Variants in GALNT3 observed in about 807,000 individuals in gnomAD.
The protein encoded by GALNT3 is polypeptide N-acetylgalactosaminyltransferase 3.
GALNT3 carries 51 observed loss-of-function variants against 69.8 expected under a neutral mutation model. That is an observed-to-expected ratio of 0.73 (90% CI 0.58 to 0.92). The LOEUF (loss-of-function observed/expected upper bound fraction) is 0.92, where lower values mean the gene tolerates loss of function less well. Ranked by LOEUF, GALNT3 falls within the 40% of genes least tolerant of loss-of-function variation. The pLI, the probability that GALNT3 is intolerant of heterozygous loss-of-function variation, is 0.00. For missense variants in GALNT3, 711 were observed against 760.0 expected, an observed-to-expected ratio of 0.94 and a Z score of 0.76; for synonymous variants, 265 against 248.5, an observed-to-expected ratio of 1.07 and a Z score of -0.63.
intron 5 of GALNT3, 38 bp downstream of exon 5, chr2:165,759,298 A>G: frequency 6.7e-7 from 1 of 1,485,648 alleles, no homozygotes. Flanking sequence ...TGTATGGTAT[A>G]GGGTGTAAAT....
rs1387984229 is a variant in GALNT3 at position 165,749,886 on chromosome 2, T to C, written c.1635A>G (p.Glu545=). The change falls in exon 10 of 11, where the codon GAA becomes GAG. Residue 545 remains glutamate, a synonymous_variant. Coordinates refer to ENST00000392701, the MANE Select transcript of GALNT3 (RefSeq NM_004482.4). The part of the protein sequence containing the change: ...CHGLGGNQYF[E]YSAQHEIRHN... ...GCCGAATTTCATGTTGAGCAGAGTA[T>C]TCAAAGTACTATGGAAGGAATAGCA... The C allele has an allele frequency of 1.2e-6, 2 of 1,613,362 alleles. No individual in the cohort carries two copies. The highest frequency in any genetic ancestry group is 2.7e-5 in the African/African-American group (2 of 74,866).
intron 3 of GALNT3, among the ~76,000 whole-genome samples, chr2:165,763,492 C>T (rs1688587622): frequency 6.6e-6 from 1 of 152,098 alleles, no homozygotes; most frequent in Non-Finnish European, 1.5e-5. Flanking sequence ...TTCTAACTAC[C>T]TCAAAATAAT....
At chr2:165,761,881 C>T (rs777770160) in intron 4 of GALNT3, 24 bp downstream of exon 4, 7 of 1,612,742 alleles carry the variant, frequency 4.3e-6, no homozygotes, top group Admixed American at 1.7e-5. Flanking sequence ...AATGTTACAA[C>T]CATATCCATA....
chr2:165,750,109 G>A lies in GALNT3; in HGVS notation c.1627-215C>T, dbSNP rs6432845. Among the ~76,000 whole-genome samples, 149,222 of 152,240 alleles carry A rather than the reference G, an allele frequency of 0.98. 73,204 individuals are homozygous for A. The highest frequency in any genetic ancestry group is 1 in the Middle Eastern group (294 of 294). ...CAGGTGGTTACTTCATTAACAAGGT[G>A]CTGTCTTCCTCCCCATACCAGAAGT... is the stretch of plus-strand genomic sequence containing the variant. On this transcript the variant is annotated intron_variant, in intron 9 of 10. Transcript: ENST00000392701.
intron 9 of GALNT3, among the ~76,000 whole-genome samples, chr2:165,753,057 C>T (rs1454938024): frequency 1.3e-5 from 2 of 152,160 alleles, no homozygotes; most frequent in Non-Finnish European, 2.9e-5. Context: ...GGCTTCTGGG[C>T]ATCTGTATCA....
chr2:165,763,349 GGTTCA>G (rs1172589629), intron 3 of GALNT3, among the ~76,000 whole-genome samples: 3 of 152,010 alleles, frequency 2.0e-5, no homozygotes, highest in Non-Finnish European at 2.9e-5. Context: ...ATTCTCCAGT[GGTTCA>G]GTTAAGAGAG....
chr2:165,768,407 C>G (rs1688686657), intron 2 of GALNT3, among the ~76,000 whole-genome samples: 1 of 152,166 alleles, frequency 6.6e-6, no homozygotes, highest in African/African-American at 2.4e-5. Flanking sequence ...ACTTTTCAAT[C>G]AAAACCTCTC....
intron 3 of GALNT3, 69 bp downstream of exon 3, chr2:165,764,815 T>A: frequency 6.6e-7 from 1 of 1,509,434 alleles, no homozygotes; most frequent in Non-Finnish European, 9.2e-7. Flanking sequence ...GAGTACCACA[T>A]AACCAAGTAG....
At chr2:165,777,987 T>A (rs116105139) in intron 1 of GALNT3, among the ~76,000 whole-genome samples, 147 of 152,300 alleles carry the variant, frequency 9.7e-4, no homozygotes, top group African/African-American at 3.3e-3. Flanking sequence ...GGGTCAGACA[T>A]CCAACTTCTC....
At chr2:165,768,951 T>C (rs954113310) in intron 2 of GALNT3, among the ~76,000 whole-genome samples, 1 of 151,328 alleles carries the variant, frequency 6.6e-6, no homozygotes, top group Non-Finnish European at 1.5e-5. Flanking sequence ...CACGGCACCC[T>C]GTCCGGCTAA....
chr2:165,780,648 TGTTGTTGTTG>T (rs1459466856), intron 1 of GALNT3, among the ~76,000 whole-genome samples: 19 of 45,022 alleles, frequency 4.2e-4, no homozygotes, highest in African/African-American at 1.2e-3. Context: ...GGGGTTTTTT[TGTTGTTGTTG>T]TTGTTGTTGT....
intron 1 of GALNT3, among the ~76,000 whole-genome samples, chr2:165,785,162 A>G (rs1683193584): frequency 6.6e-6 from 1 of 152,214 alleles, no homozygotes; most frequent in Non-Finnish European, 1.5e-5. Context: ...ACATTAAAGC[A>G]TTGTTCTAAT....
chr2:165,761,715 T>C (rs1287883446), intron 4 of GALNT3, 190 bp downstream of exon 4: 1 of 726,056 alleles, frequency 1.4e-6, no homozygotes, highest in East Asian at 2.7e-5. Flanking sequence ...ATAAGAATTC[T>C]GCATAAGTGA....
chr2:165,750,059 C>T (rs1018828690), intron 9 of GALNT3, among the ~76,000 whole-genome samples, 165 bp from the exon 10 acceptor site: 4 of 152,010 alleles, frequency 2.6e-5, no homozygotes, highest in Non-Finnish European at 4.4e-5. Flanking sequence ...TTGTGATAGA[C>T]GATACAATAG....
chr2:165,755,679 T>A (rs553062886), intron 7 of GALNT3, among the ~76,000 whole-genome samples: 5 of 152,328 alleles, frequency 3.3e-5, no homozygotes, highest in South Asian at 4.1e-4. Context: ...ATAACTTTTT[T>A]AAAAAACCAT....
chr2:165,755,928 G>T (rs1181632639), intron 7 of GALNT3, among the ~76,000 whole-genome samples: 1 of 152,008 alleles, frequency 6.6e-6, no homozygotes, highest in African/African-American at 2.4e-5. Context: ...GTAACCAACA[G>T]GTATTTGCTG....
In GALNT3 at chr2:165,791,577, GA is replaced by G. The variant is rs200020672; in HGVS notation, c.-109+2437del. 6.9e-3 allele frequency among the ~76,000 whole-genome samples: 1,042 copies of G among 151,806 alleles called. 9 individuals are homozygous for G. The highest frequency in any genetic ancestry group is 0.022 in the African/African-American group (905 of 41,440). ...TAGTTATTGAGGATTGCAGTAAAAGGAAAAAAAAGTTTAAAGAAACTTAGTG... is the reference window on the plus strand; with the variant it reads ...TAGTTATTGAGGATTGCAGTAAAAGGAAAAAAAGTTTAAAGAAACTTAGTG... On this transcript the variant is annotated intron_variant, in intron 1 of 10. Transcript: ENST00000392701.
intron 1 of GALNT3, among the ~76,000 whole-genome samples, chr2:165,774,489 G>A (rs915181305): frequency 1.2e-4 from 19 of 152,114 alleles, no homozygotes; most frequent in African/African-American, 4.3e-4. Context: ...AATTAATGAC[G>A]CAGATAGAAG....
At chr2:165,785,114 C>T (rs1327853505) in intron 1 of GALNT3, among the ~76,000 whole-genome samples, 3 of 152,020 alleles carry the variant, frequency 2.0e-5, no homozygotes, top group African/African-American at 2.4e-5. Context: ...CCCATAGATA[C>T]GCTAATGCAC....
Sources: gnomAD v4.1 joint callset for allele counts (sites outside exome capture counted in the v4.1 genomes callset) on GRCh38, gnomAD v4.1.1 for gene constraint, MANE v1.5 for transcripts, NCBI Gene and HGNC (gene_info 2026-07-23, HGNC 2026-07-21) for gene names.